GABPA: variants seen among roughly 807,000 people sequenced by gnomAD.
GABPA encodes GA binding protein transcription factor subunit alpha.
Under a neutral mutation model 59.4 loss-of-function variants are expected in GABPA, and 4 were observed. The observed-to-expected ratio is 0.07, with a 90% CI of 0.03 to 0.15. The LOEUF (loss-of-function observed/expected upper bound fraction) is 0.15. GABPA is among the 10% of genes least tolerant of loss of function. The pLI is 1.00. For missense variants in GABPA, 251 were observed against 543.8 expected, an observed-to-expected ratio of 0.46 and a Z score of 5.36; for synonymous variants, 164 against 183.1, an observed-to-expected ratio of 0.90 and a Z score of 0.84.
chr21:25,759,973 A>G lies in GABPA; in HGVS notation c.748+1769A>G, dbSNP rs139446143. ...GCTTCTCAAACTTTAAAGCTTATTC[A>G]TAGGCTTTTCCCAGAACAGAAGTCA... On this transcript the variant is annotated intron_variant, in intron 6 of 9. Coordinates refer to ENST00000400075, the MANE Select transcript of GABPA (RefSeq NM_002040.4). 4.7e-3 allele frequency among the ~76,000 whole-genome samples: 712 copies of G among 152,250 alleles called. 2 individuals carry two copies. Among genetic ancestry groups the G allele is most frequent in the Middle Eastern group, 0.044 (13 of 294 alleles).
intron 9 of GABPA, 60 bp downstream of exon 9, chr21:25,764,847 T>C: frequency 7.9e-7 from 1 of 1,266,760 alleles, no homozygotes; most frequent in Non-Finnish European, 1.1e-6. Flanking sequence ...AAAAATAGTT[T>C]CTTATTCTAG....
At chr21:25,752,339 G>C in intron 5 of GABPA, 105 bp downstream of exon 5, 4 of 1,133,872 alleles carry the variant, frequency 3.5e-6, no homozygotes. Context: ...GAGTTATTAG[G>C]ATGAATGTTG....
intron 7 of GABPA, among the ~76,000 whole-genome samples, 199 bp from the exon 8 acceptor site, chr21:25,764,011 A>G (rs536411586): frequency 3.3e-5 from 5 of 152,330 alleles, no homozygotes; most frequent in African/African-American, 1.2e-4. Flanking sequence ...TGCACAAACT[A>G]TAATGCAAGC....
At chr21:25,764,056 T>A (rs2035830373) in intron 7 of GABPA, among the ~76,000 whole-genome samples, 154 bp from the exon 8 acceptor site, 2 of 152,152 alleles carry the variant, frequency 1.3e-5, no homozygotes, top group Non-Finnish European at 2.9e-5. Context: ...TTTGTTATTT[T>A]GTTTGAAATT....
At chr21:25,760,164 C>T (rs576068363) in intron 6 of GABPA, among the ~76,000 whole-genome samples, 2 of 152,262 alleles carry the variant, frequency 1.3e-5, no homozygotes, top group South Asian at 2.1e-4. Flanking sequence ...TTCACTCTGC[C>T]GGGGTAGGGA....
At chr21:25,738,549 A>G (rs1237154618) in intron 1 of GABPA, among the ~76,000 whole-genome samples, 2 of 152,208 alleles carry the variant, frequency 1.3e-5, no homozygotes, top group African/African-American at 4.8e-5. Context: ...ATTTTATTTA[A>G]GAAATCTTTT....
At chr21:25,739,898 A>G (rs1473975726) in intron 1 of GABPA, among the ~76,000 whole-genome samples, 1 of 152,208 alleles carries the variant, frequency 6.6e-6, no homozygotes, top group African/African-American at 2.4e-5. Flanking sequence ...GATTACAGGC[A>G]TGAGGCACCG....
intron 7 of GABPA, chr21:25,763,477 C>T (rs2035813946): frequency 5.9e-6 from 1 of 169,574 alleles, no homozygotes; most frequent in African/African-American, 2.4e-5. Flanking sequence ...CCAAGTATAC[C>T]TGTTGTAGGT....
chr21:25,755,907 T>C (rs1200426492), intron 5 of GABPA, among the ~76,000 whole-genome samples: 1 of 152,218 alleles, frequency 6.6e-6, no homozygotes, highest in African/African-American at 2.4e-5. Context: ...CACTTCTTAC[T>C]GGCATCCTCC....
chr21:25,746,996 A>G (rs1352378354), intron 3 of GABPA, among the ~76,000 whole-genome samples: 1 of 152,208 alleles, frequency 6.6e-6, no homozygotes, highest in Non-Finnish European at 1.5e-5. Flanking sequence ...AAAAATACTT[A>G]CAAAACACTC....
intron 5 of GABPA, among the ~76,000 whole-genome samples, chr21:25,754,617 A>ATT (rs71327963): frequency 6.6e-6 from 1 of 150,534 alleles, no homozygotes; most frequent in African/African-American, 2.4e-5. Flanking sequence ...TTGATTATAT[A>ATT]TTTTTTTTTA....
chr21:25,754,616 TA>T (rs1377759640), intron 5 of GABPA, among the ~76,000 whole-genome samples: 1 of 149,448 alleles, frequency 6.7e-6, no homozygotes, highest in Non-Finnish European at 1.5e-5. Context: ...ATTGATTATA[TA>T]TTTTTTTTTA....
At chr21:25,746,450 T>A (rs1345772810) in intron 3 of GABPA, among the ~76,000 whole-genome samples, 2 of 152,242 alleles carry the variant, frequency 1.3e-5, no homozygotes, top group African/African-American at 4.8e-5. Flanking sequence ...ACAGAACTTT[T>A]TTATTAGTTT....
Position 25,771,757 on chromosome 21 carries a change from A to T in GABPA, c.*2525A>T, listed in dbSNP as rs2146113847. The T allele has an allele frequency of 6.6e-6, 1 of 152,180 alleles. No homozygotes were observed. The highest frequency in any genetic ancestry group is 1.9e-4 in the East Asian group (1 of 5,190). 9.4% of individuals were successfully genotyped at this position (152,180 alleles called of 1,614,324 possible). ...AGAAGTACAAGAATTTAAGTAAAAG[A>T]AATGTTCATTTTTGTTTTAAAATTT... On this transcript the variant is annotated 3_prime_UTR_variant, in exon 10 of 10. Coordinates refer to ENST00000400075, the MANE Select transcript of GABPA (RefSeq NM_002040.4).
chr21:25,752,425 A>C lies in GABPA; in HGVS notation c.553+191A>C, dbSNP rs1291193152. 6.4e-6 allele frequency: 4 copies of C among 620,786 alleles called. No individual in the cohort carries two copies. In the African/African-American group the frequency reaches 7.4e-5, roughly 11 times the overall value. The allele number at this position is 620,786 out of a possible 1,614,324, so 38.5% of individuals were successfully genotyped here. ...GGACAAATTCTGTCCTGCGTGCAGG[A>C]AATACAAAGAAGTCTAAAAAATTTC... On this transcript the variant is annotated intron_variant, in intron 5 of 9. Coordinates refer to ENST00000400075, the MANE Select transcript of GABPA (RefSeq NM_002040.4).
At chr21:25,757,133 A>G (rs1056063360) in intron 5 of GABPA, among the ~76,000 whole-genome samples, 3 of 152,038 alleles carry the variant, frequency 2.0e-5, no homozygotes, top group African/African-American at 7.2e-5. Flanking sequence ...ATTGAATAGC[A>G]TTTATTTATT....
chr21:25,736,200 C>T (rs1168508250), intron 1 of GABPA, among the ~76,000 whole-genome samples: 1 of 152,098 alleles, frequency 6.6e-6, no homozygotes. Flanking sequence ...GATTTAGGGA[C>T]CCCAGTTTGA....
chr21:25,750,453 A>G (rs756434038), intron 4 of GABPA, among the ~76,000 whole-genome samples: 3 of 152,164 alleles, frequency 2.0e-5, no homozygotes, highest in Non-Finnish European at 2.9e-5. Flanking sequence ...AAGAAATCCA[A>G]CCAGTACAGT....
Position 25,735,009 on chromosome 21 carries a change from G to C in GABPA, c.-596G>C. The C allele has an allele frequency of 2.6e-6, 4 of 1,534,392 alleles. No homozygotes were observed. The South Asian group carries it at 3.6e-5, about 14-fold the overall frequency. On this transcript the variant is annotated 5_prime_UTR_variant, in exon 1 of 10. Transcript: ENST00000400075. ...CTCACCGGACAGGAAGCGTCTCGGAGACAGTCTGCGACCGGACGGGTCTAG... is the reference window on the plus strand; with the variant it reads ...CTCACCGGACAGGAAGCGTCTCGGACACAGTCTGCGACCGGACGGGTCTAG...
Sources: allele counts gnomAD v4.1 joint callset (sites outside exome capture counted in the v4.1 genomes callset), GRCh38; gene constraint gnomAD v4.1.1; transcripts MANE v1.5; gene names NCBI Gene and HGNC (gene_info 2026-07-23, HGNC 2026-07-21).